The following CADM2 variants were observed in gnomAD, a reference collection of about 807,000 sequenced individuals.
The protein encoded by CADM2 is immunoglobulin superfamily member 4D.
Under a neutral mutation model 49.8 loss-of-function variants are expected in CADM2, and 12 were observed. The observed-to-expected ratio is 0.24, with a 90% CI of 0.15 to 0.39. The LOEUF (loss-of-function observed/expected upper bound fraction) is 0.39. CADM2 is among the 10% of genes least tolerant of loss of function. The pLI is 1.00. For synonymous variants in CADM2, 214 were observed against 175.4 expected (o/e 1.22, Z -1.74); for missense variants, 378 against 492.3 (o/e 0.77, Z 2.20).
At chr3:85,433,810 G>C (rs1445648871) in intron 1 of CADM2, among the ~76,000 whole-genome samples, 1 of 152,066 alleles carries the variant, frequency 6.6e-6, no homozygotes, top group Non-Finnish European at 1.5e-5. Flanking sequence ...TGAATCAAAA[G>C]AGAACTTCCA....
chr3:85,681,146 C>T (rs1237931500), intron 1 of CADM2, among the ~76,000 whole-genome samples: 1 of 152,042 alleles, frequency 6.6e-6, no homozygotes, highest in Non-Finnish European at 1.5e-5. Flanking sequence ...TAGACTTTGG[C>T]ACACTGGGGC....
intron 1 of CADM2, among the ~76,000 whole-genome samples, chr3:85,140,069 T>C (rs771252736): frequency 7.9e-5 from 12 of 152,294 alleles, no homozygotes; most frequent in South Asian, 2.1e-4. Flanking sequence ...GATGATATGC[T>C]ATAAACCAGG....
At position 85,158,554 on chromosome 3, in the gene CADM2, A is replaced by G. The variant is rs566277926; in HGVS notation, c.61+198886A>G. On this transcript the variant is annotated intron_variant, in intron 1 of 9. Coordinates refer to ENST00000383699, the MANE Select transcript of CADM2 (RefSeq NM_001167675.2). ...TGTCCTTTGTAGGGACATGGATGAA[A>G]TTGGAAATCATCATTCTCAGTAAAC... Among the ~76,000 whole-genome samples the G allele has an allele frequency of 1.6e-4, 25 of 152,310 alleles. No homozygotes were observed. The East Asian group carries it at 2.7e-3, about 16-fold the overall frequency.
intron 1 of CADM2, among the ~76,000 whole-genome samples, chr3:85,287,021 C>T (rs1227821704): frequency 6.6e-6 from 1 of 152,122 alleles, no homozygotes; most frequent in Middle Eastern, 3.4e-3. Context: ...TTTGAATGCC[C>T]CTCTGAAAAT....
chr3:85,755,284 A>G (rs1474979174), intron 2 of CADM2, among the ~76,000 whole-genome samples: 1 of 152,172 alleles, frequency 6.6e-6, no homozygotes, highest in Non-Finnish European at 1.5e-5. Context: ...CAATTTACAG[A>G]ACTCAGGAAA....
intron 7 of CADM2, among the ~76,000 whole-genome samples, chr3:85,939,468 AAC>A (rs373804679): frequency 0.013 from 1,820 of 137,010 alleles, 16 homozygotes; most frequent in Non-Finnish European, 0.017. Flanking sequence ...AGTAAACGAA[AAC>A]ACACACACAC....
intron 8 of CADM2, among the ~76,000 whole-genome samples, chr3:85,979,662 AT>A (rs1727236581): frequency 2.0e-5 from 3 of 151,618 alleles, no homozygotes; most frequent in Non-Finnish European, 4.4e-5. Context: ...CTAGTTTAAT[AT>A]TAATAACTTG....
intron 1 of CADM2, among the ~76,000 whole-genome samples, chr3:85,150,929 TAATA>T (rs2039902897): frequency 6.8e-6 from 1 of 147,234 alleles, no homozygotes; most frequent in Admixed American, 6.8e-5. Context: ...AAATAAATAA[TAATA>T]ATAATAATAA....
chr3:85,588,405 G>A (rs1301740914), intron 1 of CADM2, among the ~76,000 whole-genome samples: 1 of 152,010 alleles, frequency 6.6e-6, no homozygotes, highest in Non-Finnish European at 1.5e-5. Context: ...TTAAGTTTAT[G>A]ATACAGTGTT....
At chr3:85,959,363 A>T (rs1724533213) in intron 7 of CADM2, among the ~76,000 whole-genome samples, 1 of 151,846 alleles carries the variant, frequency 6.6e-6, no homozygotes, top group African/African-American at 2.4e-5. Flanking sequence ...AGGTAGGCAT[A>T]ATTGGTTATA....
intron 1 of CADM2, among the ~76,000 whole-genome samples, chr3:85,451,259 T>C (rs1324938859): frequency 6.6e-6 from 1 of 152,166 alleles, no homozygotes; most frequent in African/African-American, 2.4e-5. Context: ...GGAATGAATC[T>C]ATATTTTAAG....
In CADM2 at chr3:85,724,011, C is replaced by T. The variant is rs147607943; in HGVS notation, c.62-2511C>T. 4.3e-3 allele frequency among the ~76,000 whole-genome samples: 659 copies of T among 151,752 alleles called. 4 individuals carry two copies. Among genetic ancestry groups the T allele is most frequent in the Middle Eastern group, 0.041 (12 of 292 alleles). ...ATTTTAGCATAATCTAAAAATAACT[C>T]AGTCTTAAAAACAAACAATACACAC... On this transcript the variant is annotated intron_variant, in intron 1 of 9. Transcript: ENST00000383699.
At chr3:85,789,381 T>C (rs2071193686) in intron 2 of CADM2, among the ~76,000 whole-genome samples, 1 of 152,216 alleles carries the variant, frequency 6.6e-6, no homozygotes, top group Admixed American at 6.5e-5. Context: ...AATAATATTC[T>C]AGAAAGATAA....
intron 1 of CADM2, among the ~76,000 whole-genome samples, chr3:85,127,461 A>C (rs2039074681): frequency 6.6e-6 from 1 of 152,202 alleles, no homozygotes; most frequent in Non-Finnish European, 1.5e-5. Context: ...ACCTCATTTG[A>C]AGAATGGTAT....
intron 1 of CADM2, among the ~76,000 whole-genome samples, chr3:85,340,219 T>C (rs965221625): frequency 2.6e-5 from 4 of 151,656 alleles, no homozygotes; most frequent in African/African-American, 9.6e-5. Context: ...TTAGGAAATA[T>C]TGAATTTTCA....
rs7644700 is a variant in CADM2, at chr3:85,097,255, T to G, written c.61+137587T>G. On this transcript the variant is annotated intron_variant, in intron 1 of 9. Transcript: ENST00000383699. ...ATGAGTGAGAACATGCGGTGTTTGG[T>G]TTTTTGTCCTTGTGATAGTTTGCTG... 3.8e-3 allele frequency among the ~76,000 whole-genome samples: 580 copies of G among 152,206 alleles called. 4 individuals are homozygous for G. Among genetic ancestry groups the G allele is most frequent in the African/African-American group, 0.014 (564 of 41,532 alleles).
chr3:84,971,011 A>G (rs986835954), intron 1 of CADM2, among the ~76,000 whole-genome samples: 1 of 152,116 alleles, frequency 6.6e-6, no homozygotes, highest in Non-Finnish European at 1.5e-5. Context: ...TAAATATGAC[A>G]TATTTTAATT....
intron 3 of CADM2, among the ~76,000 whole-genome samples, chr3:85,872,345 T>G (rs2075961761): frequency 6.6e-6 from 1 of 152,198 alleles, no homozygotes; most frequent in Non-Finnish European, 1.5e-5. Flanking sequence ...AAGTAGGAAT[T>G]CACAGTTACT....
In CADM2 at chr3:85,530,909, CACACAA is replaced by C. The variant is rs1254541558; in HGVS notation, c.62-195611_62-195606del. On this transcript the variant is annotated intron_variant, in intron 1 of 9. Coordinates refer to ENST00000383699, the MANE Select transcript of CADM2 (RefSeq NM_001167675.2). Reference sequence around the variant, plus strand: ...ACACACACACACACACACACACACACACACAAAATTCATTATTGTGGAATGTCAGGG... The same window carrying C: ...ACACACACACACACACACACACACACAATTCATTATTGTGGAATGTCAGGG... 2.3e-3 allele frequency among the ~76,000 whole-genome samples: 287 copies of C among 123,290 alleles called. 2 individuals carry two copies. Among genetic ancestry groups the C allele is most frequent in the South Asian group, 0.012 (50 of 4,050 alleles). The allele number at this position is 123,290 out of a possible 152,430, so 80.9% of individuals were successfully genotyped here.
Sources: gnomAD v4.1 joint callset for allele counts (sites outside exome capture counted in the v4.1 genomes callset) on GRCh38, gnomAD v4.1.1 for gene constraint, MANE v1.5 for transcripts, NCBI Gene and HGNC (gene_info 2026-07-23, HGNC 2026-07-21) for gene names.